Variants in SRGAP2C observed in about 807,000 individuals in gnomAD.
SRGAP2C encodes SLIT-ROBO Rho GTPase activating protein 2C.
Under a neutral mutation model 25.1 loss-of-function variants are expected in SRGAP2C, and 15 were observed. The ratio of observed to expected loss-of-function variants is 0.60; its 90% CI spans 0.40 to 0.92. The LOEUF is 0.92. Among genes scored for constraint, SRGAP2C ranks in the 40% least tolerant of loss-of-function variants. SRGAP2C has a pLI of 0.00. For synonymous variants in SRGAP2C, 44 were observed against 96.6 expected (o/e 0.46, Z 3.19); for missense variants, 144 against 264.4 (o/e 0.54, Z 3.16).
chr1:121,300,142 G>A (rs1367375403), intron 3 of SRGAP2C, among the ~76,000 whole-genome samples: 2 of 138,736 alleles, frequency 1.4e-5, no homozygotes, highest in African/African-American at 5.5e-5. Context: ...AGATACATGT[G>A]CATACAAATA....
intron 2 of SRGAP2C, among the ~76,000 whole-genome samples, chr1:121,266,458 A>T (rs1369760765): frequency 2.6e-5 from 4 of 151,952 alleles, no homozygotes; most frequent in African/African-American, 4.8e-5. Flanking sequence ...GTGCATACTC[A>T]CTTGATATAT....
intron 2 of SRGAP2C, among the ~76,000 whole-genome samples, chr1:121,223,091 G>T (rs1655574145): frequency 6.6e-6 from 1 of 151,984 alleles, no homozygotes; most frequent in Admixed American, 6.6e-5. Context: ...TTGGGTCAGT[G>T]TCTCTTTAGA....
In SRGAP2C at chr1:121,270,886, G is replaced by A. The variant is rs561290; in HGVS notation, c.68-13917G>A. 2.8e-4 allele frequency among the ~76,000 whole-genome samples: 41 copies of A among 148,674 alleles called. 1 individual carries two copies. Among genetic ancestry groups the A allele is most frequent in the African/African-American group, 5.8e-4 (23 of 39,904 alleles). On this transcript the variant is annotated intron_variant, in intron 2 of 9. Coordinates refer to ENST00000367123, the MANE Select transcript of SRGAP2C (RefSeq NM_001329984.2). ...CAGCTCACTGCAAGCTCCGCCTCCC[G>A]GGTTCACGCCATTCTCCTGCCTCAG...
rs1553341481 is a variant in SRGAP2C, at chr1:121,324,480, A to G, written c.263A>G (p.Lys88Arg). 1 of 1,612,640 alleles carries G rather than the reference A, an allele frequency of 6.2e-7. No individual in the cohort carries two copies. The highest frequency in any genetic ancestry group is 1.7e-5 in the Admixed American group (1 of 60,000). Reference sequence around the variant, plus strand: ...TTTTCCTTGATGTTTCTTCACAGGAAGGATCAGAATGTTCTCTCTCCAGTC... The same window carrying G: ...TTTTCCTTGATGTTTCTTCACAGGAGGGATCAGAATGTTCTCTCTCCAGTC... The part of the protein sequence containing the change: ...TRSTKDQQFK[K>R]DQNVLSPVNC... Residue 88 changes from lysine (K) to arginine (R), a missense_variant and splice_region_variant, in exon 4 of 10, where the codon AAG becomes AGG. Coordinates refer to ENST00000367123, the MANE Select transcript of SRGAP2C (RefSeq NM_001329984.2).
intron 2 of SRGAP2C, among the ~76,000 whole-genome samples, chr1:121,191,089 A>G (rs1346245932): frequency 3.3e-5 from 5 of 152,258 alleles, no homozygotes; most frequent in African/African-American, 4.8e-5. Context: ...ATGCCTCTCA[A>G]TGTCTGACTT....
intron 2 of SRGAP2C, among the ~76,000 whole-genome samples, chr1:121,262,979 G>T (rs1349829138): frequency 1.3e-5 from 2 of 151,422 alleles, no homozygotes; most frequent in Admixed American, 1.3e-4. Context: ...ATACACACCT[G>T]CCCAGGGAAC....
chr1:121,250,724 G>A (rs1476090113), intron 2 of SRGAP2C, among the ~76,000 whole-genome samples: 1 of 95,116 alleles, frequency 1.1e-5, no homozygotes, highest in Non-Finnish European at 2.1e-5. Flanking sequence ...AAACAAGAGT[G>A]CATCCTATAT....
rs1318929502 is a variant in SRGAP2C, at chr1:121,249,598, T to A, written c.68-35205T>A. On this transcript the variant is annotated intron_variant, in intron 2 of 9. Coordinates refer to ENST00000367123, the MANE Select transcript of SRGAP2C (RefSeq NM_001329984.2). ...TATATATATTTTTTTTTTTTTTTTT[T>A]AAATTATACTTTAAGTTCTAGAGTA... 7.6e-4 allele frequency among the ~76,000 whole-genome samples: 52 copies of A among 68,540 alleles called. 1 individual carries two copies. Among genetic ancestry groups the A allele is most frequent in the Admixed American group, 1.9e-3 (11 of 5,846 alleles). 45.0% of individuals were successfully genotyped at this position (68,540 alleles called of 152,430 possible).
intron 2 of SRGAP2C, among the ~76,000 whole-genome samples, chr1:121,263,439 A>AAAC (rs1656680959): frequency 6.6e-6 from 1 of 150,892 alleles, no homozygotes; most frequent in South Asian, 2.1e-4. Context: ...TCAAAAAAAA[A>AAAC]AAAAAAAAAA....
chr1:121,222,558 G>A (rs1655556045), intron 2 of SRGAP2C, among the ~76,000 whole-genome samples: 1 of 152,184 alleles, frequency 6.6e-6, no homozygotes, highest in South Asian at 2.1e-4. Flanking sequence ...AAGCCCGGAA[G>A]GTCGAGGCTA....
intron 4 of SRGAP2C, among the ~76,000 whole-genome samples, chr1:121,351,565 G>A (rs1488785025): frequency 4.2e-5 from 6 of 141,438 alleles, no homozygotes; most frequent in Admixed American, 1.4e-4. Context: ...AGCAGAGATC[G>A]CGCCACTGCA....
intron 3 of SRGAP2C, among the ~76,000 whole-genome samples, chr1:121,303,472 T>C (rs1382140843): frequency 6.6e-6 from 1 of 152,188 alleles, no homozygotes; most frequent in Non-Finnish European, 1.5e-5. Context: ...CACAACAAGA[T>C]ATTCCAGGCT....
intron 5 of SRGAP2C, among the ~76,000 whole-genome samples, chr1:121,367,517 A>G (rs1659359094): frequency 6.6e-6 from 1 of 151,958 alleles, no homozygotes; most frequent in South Asian, 2.1e-4. Flanking sequence ...CAATATAGAG[A>G]CATTGACAAT....
At chr1:121,339,283 T>C (rs1354820782) in intron 4 of SRGAP2C, among the ~76,000 whole-genome samples, 3 of 126,684 alleles carry the variant, frequency 2.4e-5, no homozygotes, top group African/African-American at 8.6e-5. Flanking sequence ...GGAGATGGAG[T>C]TTCTTTTTTT....
chr1:121,348,685 A>G (rs1233972720), intron 4 of SRGAP2C, among the ~76,000 whole-genome samples: 2 of 150,366 alleles, frequency 1.3e-5, no homozygotes, highest in East Asian at 2.0e-4. Context: ...AAGGCATTGT[A>G]TAAGATTAGG....
intron 3 of SRGAP2C, among the ~76,000 whole-genome samples, chr1:121,286,654 T>C (rs1657374666): frequency 6.6e-6 from 1 of 152,248 alleles, no homozygotes; most frequent in South Asian, 2.1e-4. Context: ...AGTCCTACTA[T>C]AACAAGATCC....
rs1169841466 is a variant in SRGAP2C at position 121,296,157 on chromosome 1, T to C, written c.260+11162T>C. 2.0e-5 allele frequency among the ~76,000 whole-genome samples: 3 copies of C among 150,546 alleles called. No individual in the cohort carries two copies. The East Asian group carries it at 5.9e-4, about 30-fold the overall frequency. On this transcript the variant is annotated intron_variant, in intron 3 of 9. Transcript: ENST00000367123. ...GGTTTTGGATTTTAAGTTTAAGGTG[T>C]TGGAAGAGTATTGAAGCTAAAATTT... is the stretch of plus-strand genomic sequence containing the variant.
At chr1:121,225,632 A>T (rs1553326405) in intron 2 of SRGAP2C, among the ~76,000 whole-genome samples, 1 of 138,170 alleles carries the variant, frequency 7.2e-6, no homozygotes, top group Non-Finnish European at 1.5e-5. Context: ...AACTTTCTTG[A>T]CTTAGTATAG....
intron 2 of SRGAP2C, among the ~76,000 whole-genome samples, chr1:121,270,063 C>T (rs1299089607): frequency 3.4e-5 from 5 of 145,990 alleles, no homozygotes; most frequent in African/African-American, 1.3e-4. Context: ...TTGATCGTGG[C>T]TTTCCTGTTC....
Sources: gnomAD v4.1 joint callset for allele counts (sites outside exome capture counted in the v4.1 genomes callset) on GRCh38, gnomAD v4.1.1 for gene constraint, MANE v1.5 for transcripts, NCBI Gene and HGNC (gene_info 2026-07-23, HGNC 2026-07-21) for gene names.